LRP1B: variants seen among roughly 807,000 people sequenced by gnomAD.
LRP1B encodes the protein low-density lipoprotein receptor-related protein 1B.
Under a neutral mutation model 556.6 loss-of-function variants are expected in LRP1B, and 217 were observed. The observed-to-expected ratio is 0.39, with a 90% CI of 0.35 to 0.44. The LOEUF (loss-of-function observed/expected upper bound fraction) is 0.44. Ranked by LOEUF, LRP1B falls within the 20% of genes least tolerant of loss-of-function variation. LRP1B has a pLI of 1.00. For synonymous variants in LRP1B, 2,047 were observed against 1,865.8 expected (o/e 1.10, Z -2.50); for missense variants, 5,053 against 5,620.8 (o/e 0.90, Z 3.23).
chr2:141,786,744 T>C (rs1036216230), intron 2 of LRP1B, among the ~76,000 whole-genome samples: 1 of 151,912 alleles, frequency 6.6e-6, no homozygotes, highest in Admixed American at 6.6e-5. Flanking sequence ...GCACGGAACC[T>C]CTCACCATTA....
intron 63 of LRP1B, among the ~76,000 whole-genome samples, chr2:140,448,317 G>A (rs1290420438): frequency 6.6e-6 from 1 of 152,104 alleles, no homozygotes; most frequent in Admixed American, 6.6e-5. Flanking sequence ...CTTGTTTGCT[G>A]CAGGTTTATT....
intron 41 of LRP1B, among the ~76,000 whole-genome samples, chr2:140,689,755 A>C (rs1245635442): frequency 6.6e-6 from 1 of 152,192 alleles, no homozygotes. Flanking sequence ...CTCACTAACT[A>C]TAATAATTCC....
At chr2:140,935,117 G>C (rs1352897736) in intron 20 of LRP1B, among the ~76,000 whole-genome samples, 2 of 152,030 alleles carry the variant, frequency 1.3e-5, no homozygotes, top group South Asian at 2.1e-4. Flanking sequence ...AAATCACAAG[G>C]CATGCAAAGA....
intron 3 of LRP1B, among the ~76,000 whole-genome samples, chr2:141,282,252 T>A (rs1458044866): frequency 6.6e-6 from 1 of 152,038 alleles, no homozygotes; most frequent in Non-Finnish European, 1.5e-5. Context: ...AGCTAGTTAA[T>A]AATATAAATA....
intron 86 of LRP1B, among the ~76,000 whole-genome samples, chr2:140,267,684 A>G (rs975915656): frequency 6.6e-6 from 1 of 151,786 alleles, no homozygotes; most frequent in South Asian, 2.1e-4. Flanking sequence ...ACGAATGTGG[A>G]GTGTGGGGAT....
intron 83 of LRP1B, among the ~76,000 whole-genome samples, chr2:140,301,887 ATGTG>A (rs964927857): frequency 6.6e-6 from 1 of 151,766 alleles, no homozygotes; most frequent in Non-Finnish European, 1.5e-5. Context: ...ATGTATGTGT[ATGTG>A]TGTGTATATA....
chr2:140,790,085 C>A (rs1052618959), intron 32 of LRP1B, among the ~76,000 whole-genome samples: 3 of 152,072 alleles, frequency 2.0e-5, no homozygotes, highest in African/African-American at 7.2e-5. Context: ...CACCATTTTT[C>A]TCTGTCTGAC....
At chr2:142,045,358 C>A (rs1704220162) in intron 1 of LRP1B, among the ~76,000 whole-genome samples, 1 of 151,824 alleles carries the variant, frequency 6.6e-6, no homozygotes. Flanking sequence ...TTCATCGTCA[C>A]CGTGCTTGCT....
intron 31 of LRP1B, among the ~76,000 whole-genome samples, chr2:140,818,809 C>G (rs189334974): frequency 6.6e-6 from 1 of 152,036 alleles, no homozygotes; most frequent in East Asian, 1.9e-4. Context: ...TGGTGTCACA[C>G]GCCTGTAGTT....
intron 31 of LRP1B, 76 bp from the exon 32 acceptor site, chr2:140,813,882 G>A (rs1691014237): frequency 9.6e-7 from 1 of 1,039,126 alleles, no homozygotes; most frequent in Non-Finnish European, 1.4e-6. Flanking sequence ...CACTGGATTT[G>A]AGGGGAAAAA....
rs139136172 is a variant in LRP1B at position 141,452,844 on chromosome 2, G to A, written c.343+27552C>T. 5.7e-3 allele frequency among the ~76,000 whole-genome samples: 868 copies of A among 152,238 alleles called. 8 individuals carry two copies. The highest frequency in any genetic ancestry group is 0.019 in the African/African-American group (808 of 41,546). ...TTTCTTACCCCTCTTGTACCTCCTG[G>A]ATGTAACTACTCTTTTACCATGGCT... On this transcript the variant is annotated intron_variant, in intron 3 of 90. Transcript: ENST00000389484.
chr2:141,960,351 G>C (rs1701366456), intron 1 of LRP1B, among the ~76,000 whole-genome samples: 1 of 151,734 alleles, frequency 6.6e-6, no homozygotes, highest in African/African-American at 2.4e-5. Flanking sequence ...ATCATTGATA[G>C]GGCAAAGACT....
chr2:141,518,114 G>T (rs1574037649), intron 2 of LRP1B, among the ~76,000 whole-genome samples: 1 of 61,966 alleles, frequency 1.6e-5, no homozygotes, highest in African/African-American at 4.8e-5. Context: ...ATTGAGCAAG[G>T]TTATCTTTAA....
chr2:140,640,774 T>A (rs1684266447), intron 41 of LRP1B, among the ~76,000 whole-genome samples: 1 of 152,180 alleles, frequency 6.6e-6, no homozygotes, highest in Non-Finnish European at 1.5e-5. Flanking sequence ...CATACTATAA[T>A]GTGTGCTCCA....
At chr2:141,996,302 T>C (rs375468802) in intron 1 of LRP1B, among the ~76,000 whole-genome samples, 24 of 152,108 alleles carry the variant, frequency 1.6e-4, no homozygotes, top group African/African-American at 5.8e-4. Context: ...AGTAGCCGAA[T>C]GACATAGGTG....
At chr2:140,487,794 ATG>A in intron 57 of LRP1B, 55 bp from the exon 58 acceptor site, 3 of 1,244,028 alleles carry the variant, frequency 2.4e-6, no homozygotes, top group Non-Finnish European at 3.4e-6. Context: ...TAATTATAAA[ATG>A]TTTTAGGAGT....
At chr2:141,357,344 A>G (rs976075081) in intron 3 of LRP1B, among the ~76,000 whole-genome samples, 8 of 152,144 alleles carry the variant, frequency 5.3e-5, no homozygotes, top group Non-Finnish European at 1.0e-4. Flanking sequence ...AGGTTTTTCC[A>G]TCATAATAAA....
At chr2:140,820,446 A>G (rs902281218) in intron 31 of LRP1B, among the ~76,000 whole-genome samples, 1 of 152,172 alleles carries the variant, frequency 6.6e-6, no homozygotes, top group South Asian at 2.1e-4. Flanking sequence ...ATTCAAGGTA[A>G]GATTTCAACA....
intron 85 of LRP1B, among the ~76,000 whole-genome samples, chr2:140,273,643 T>G (rs762288171): frequency 2.0e-5 from 3 of 151,970 alleles, no homozygotes; most frequent in Non-Finnish European, 4.4e-5. Flanking sequence ...CTTTCCTGTC[T>G]CATATTCTTA....
Sources: gnomAD v4.1 joint callset for allele counts (sites outside exome capture counted in the v4.1 genomes callset) on GRCh38, gnomAD v4.1.1 for gene constraint, MANE v1.5 for transcripts, NCBI Gene and HGNC (gene_info 2026-07-23, HGNC 2026-07-21) for gene names.